TSNARE1: variants seen among roughly 807,000 people sequenced by gnomAD.
TSNARE1 encodes the protein t-SNARE domain-containing protein 1.
Under a neutral mutation model 62.0 loss-of-function variants are expected in TSNARE1, and 49 were observed. The ratio of observed to expected loss-of-function variants is 0.79; its 90% CI spans 0.63 to 1.00. The LOEUF is 1.00. TSNARE1 is among the 50% of genes least tolerant of loss of function. The pLI is 0.00. For missense variants in TSNARE1, 755 were observed against 700.1 expected (o/e 1.08, Z -0.88); for synonymous variants, 328 against 294.4 (o/e 1.11, Z -1.17).
At chr8:142,312,852 G>A (rs575334770) in intron 9 of TSNARE1, among the ~76,000 whole-genome samples, 1 of 152,232 alleles carries the variant, frequency 6.6e-6, no homozygotes, top group Non-Finnish European at 1.5e-5. Context: ...GTCTCAATAA[G>A]CTGAGACACA....
intron 10 of TSNARE1, among the ~76,000 whole-genome samples, chr8:142,292,283 C>T (rs1489983002): frequency 6.6e-6 from 1 of 152,162 alleles, no homozygotes; most frequent in African/African-American, 2.4e-5. Flanking sequence ...AAGTTCTGAC[C>T]CACAGAACCC....
intron 2 of TSNARE1, among the ~76,000 whole-genome samples, chr8:142,354,324 T>A (rs1433165521): frequency 6.6e-6 from 1 of 152,058 alleles, no homozygotes; most frequent in East Asian, 1.9e-4. Flanking sequence ...GGTGAGATCC[T>A]GCATCCCCTC....
At chr8:142,277,350 T>G (rs895782130) in intron 11 of TSNARE1, 8 of 985,202 alleles carry the variant, frequency 8.1e-6, no homozygotes, top group Non-Finnish European at 9.6e-6. Context: ...CAAAGGAAAC[T>G]GCCTGCCCAG....
rs921024296 is a variant in TSNARE1, at chr8:142,319,849, G to A, written c.894-1215C>T. On this transcript the variant is annotated intron_variant, in intron 6 of 13. Coordinates refer to ENST00000524325, the MANE Select transcript of TSNARE1 (RefSeq NM_145003.5). The surrounding 1 kb of genome is among the most constrained non-coding windows in gnomAD (Gnocchi z 4.9). ...GGGTGTGGGCCAAGGAGGGCAAGGA[G>A]CCATAAGGTTACTACAGACTAGGCG... Among the ~76,000 whole-genome samples, 1 of 152,308 alleles carries A rather than the reference G, an allele frequency of 6.6e-6. No individual in the cohort carries two copies. Among genetic ancestry groups the A allele is most frequent in the Non-Finnish European group, 1.5e-5 (1 of 68,006 alleles).
chr8:142,387,288 T>C (rs981211145), intron 1 of TSNARE1, among the ~76,000 whole-genome samples: 10 of 152,104 alleles, frequency 6.6e-5, no homozygotes, highest in African/African-American at 2.4e-4. Flanking sequence ...TCATCAAAAC[T>C]TAGGCATCAG....
chr8:142,341,051 C>G (rs879612189), intron 4 of TSNARE1, among the ~76,000 whole-genome samples: 4 of 152,312 alleles, frequency 2.6e-5, no homozygotes, highest in Non-Finnish European at 5.9e-5. Context: ...CTGCAGAGCC[C>G]GCCTGGGTCG....
At chr8:142,236,043 G>T (rs1012824720) in intron 12 of TSNARE1, among the ~76,000 whole-genome samples, 1 of 152,184 alleles carries the variant, frequency 6.6e-6, no homozygotes, top group African/African-American at 2.4e-5. Context: ...GAGCTTCAGG[G>T]CAAGGACTCC....
chr8:142,323,030 C>T (rs1475025589), intron 6 of TSNARE1, among the ~76,000 whole-genome samples: 3 of 151,632 alleles, frequency 2.0e-5, no homozygotes, highest in Admixed American at 1.3e-4. Context: ...TATGAAAGGC[C>T]GGCCTGGACA....
At chr8:142,266,201 T>C (rs1245159684) in intron 12 of TSNARE1, among the ~76,000 whole-genome samples, 1 of 152,254 alleles carries the variant, frequency 6.6e-6, no homozygotes, top group Non-Finnish European at 1.5e-5. Flanking sequence ...ACTATCATTG[T>C]CCAGTAGTTC....
At chr8:142,222,015 A>G (rs200576332) in intron 13 of TSNARE1, among the ~76,000 whole-genome samples, 11,351 of 141,142 alleles carry the variant, frequency 0.08, 1,743 homozygotes, top group African/African-American at 0.29. Flanking sequence ...TCACTCACTC[A>G]CTCACTCATC....
chr8:142,273,310 T>G (rs1819902742), intron 12 of TSNARE1: 1 of 985,450 alleles, frequency 1.0e-6, no homozygotes, highest in Non-Finnish European at 1.2e-6. Flanking sequence ...CTGGCTTTCC[T>G]CTTGAAACAA....
At chr8:142,313,248 G>A (rs1199020146) in intron 9 of TSNARE1, among the ~76,000 whole-genome samples, 1 of 152,006 alleles carries the variant, frequency 6.6e-6, no homozygotes, top group Non-Finnish European at 1.5e-5. Context: ...GTGTCTAGAT[G>A]TCTGTGTTTA....
intron 6 of TSNARE1, among the ~76,000 whole-genome samples, chr8:142,326,698 C>A (rs1191906276): frequency 6.6e-6 from 1 of 152,202 alleles, no homozygotes; most frequent in African/African-American, 2.4e-5. Context: ...GATGAGGAAC[C>A]AGCACCAGTA....
At chr8:142,382,556 T>C (rs1278932673) in intron 1 of TSNARE1, among the ~76,000 whole-genome samples, 1 of 151,522 alleles carries the variant, frequency 6.6e-6, no homozygotes. Flanking sequence ...AGCCCAAGAG[T>C]CATGCTGTGC....
intron 12 of TSNARE1, among the ~76,000 whole-genome samples, chr8:142,261,174 A>G: frequency 1.0e-5 from 1 of 96,772 alleles, no homozygotes; most frequent in Admixed American, 1.0e-4. Context: ...GGAGAGAGGG[A>G]AGGATGTGGG....
chr8:142,275,841 C>T, intron 11 of TSNARE1: 1 of 982,962 alleles, frequency 1.0e-6, no homozygotes, highest in South Asian at 4.7e-5. Flanking sequence ...GGACTGCTGC[C>T]AGGCACAGCC....
intron 1 of TSNARE1, among the ~76,000 whole-genome samples, chr8:142,362,332 C>T (rs1294548876): frequency 6.6e-6 from 1 of 152,230 alleles, no homozygotes; most frequent in African/African-American, 2.4e-5. Context: ...CTGGCCTCAA[C>T]AGACCCACGT....
intron 12 of TSNARE1, among the ~76,000 whole-genome samples, chr8:142,251,195 C>A (rs1044336711): frequency 6.6e-6 from 1 of 152,056 alleles, no homozygotes; most frequent in Non-Finnish European, 1.5e-5. Flanking sequence ...CAGGCCCCCA[C>A]CGCCTTCCAC....
intron 13 of TSNARE1, among the ~76,000 whole-genome samples, chr8:142,216,521 G>A (rs1045599029): frequency 6.6e-6 from 1 of 152,200 alleles, no homozygotes. Context: ...TCAGGGAGAT[G>A]AGGCTGGAGG....
Sources: allele counts gnomAD v4.1 joint callset (sites outside exome capture counted in the v4.1 genomes callset), GRCh38; gene constraint gnomAD v4.1.1; non-coding constraint Gnocchi (gnomAD v3.1); transcripts MANE v1.5; gene names NCBI Gene and HGNC (gene_info 2026-07-23, HGNC 2026-07-21).